Variants in TRPM3 observed in about 807,000 individuals in gnomAD.
TRPM3 encodes transient receptor potential cation channel subfamily M member 3, also known as long transient receptor potential channel 3.
TRPM3 carries 77 observed loss-of-function variants against 181.2 expected under a neutral mutation model. The ratio of observed to expected loss-of-function variants is 0.42; its 90% CI spans 0.35 to 0.51. The LOEUF is 0.51. Ranked by LOEUF, TRPM3 falls within the 20% of genes least tolerant of loss-of-function variation. The pLI is 0.01. For missense variants in TRPM3, 1,759 were observed against 2,196.7 expected (o/e 0.80, Z 3.98); for synonymous variants, 745 against 796.4 (o/e 0.94, Z 1.09).
At chr9:70,863,261 T>C (rs983993227) in intron 2 of TRPM3, 149 bp from the exon 3 acceptor site, 4 of 644,306 alleles carry the variant, frequency 6.2e-6, no homozygotes, top group Middle Eastern at 8.5e-4. Flanking sequence ...ATATCAGGTA[T>C]TGGTAAACTC....
intron 1 of TRPM3, among the ~76,000 whole-genome samples, chr9:71,226,275 GAGA>G (rs2080643963): frequency 6.6e-6 from 1 of 151,948 alleles, no homozygotes; most frequent in Non-Finnish European, 1.5e-5. Flanking sequence ...AAAGAAGAAA[GAGA>G]AGGTGACAAA....
intron 1 of TRPM3, among the ~76,000 whole-genome samples, chr9:70,926,477 A>G (rs2096722687): frequency 6.6e-6 from 1 of 152,192 alleles, no homozygotes; most frequent in African/African-American, 2.4e-5. Context: ...GGCTCTCTCA[A>G]AAGGAAGTGT....
chr9:70,870,958 C>A (rs2095777865), intron 1 of TRPM3, among the ~76,000 whole-genome samples: 1 of 151,678 alleles, frequency 6.6e-6, no homozygotes, highest in Admixed American at 6.6e-5. Context: ...TTTTTTTCAA[C>A]TGTCAAGCTT....
At chr9:71,322,944 C>T (rs2089372246) in intron 1 of TRPM3, among the ~76,000 whole-genome samples, 1 of 152,050 alleles carries the variant, frequency 6.6e-6, no homozygotes, top group African/African-American at 2.4e-5. Context: ...AGTGTATTTG[C>T]TGTCAAAAGA....
chr9:70,810,354 T>C (rs896655356), intron 6 of TRPM3, among the ~76,000 whole-genome samples: 3 of 149,502 alleles, frequency 2.0e-5, no homozygotes, highest in African/African-American at 7.4e-5. Context: ...CCCTGTCCTA[T>C]GGATACACGA....
At chr9:70,810,700 T>G (rs940422272) in intron 6 of TRPM3, among the ~76,000 whole-genome samples, 1 of 152,216 alleles carries the variant, frequency 6.6e-6, no homozygotes, top group Non-Finnish European at 1.5e-5. Flanking sequence ...GAGATAATGC[T>G]TCCATGTGTA....
intron 1 of TRPM3, among the ~76,000 whole-genome samples, chr9:71,197,732 T>C (rs1453572540): frequency 6.6e-6 from 1 of 150,730 alleles, no homozygotes; most frequent in African/African-American, 2.4e-5. Context: ...GTTTTTTTCT[T>C]GTAAATTTGT....
At chr9:71,446,845 G>T (rs779437268), upstream of TRPM3, 57 of 1,532,076 alleles carry the variant, frequency 3.7e-5, no homozygotes, top group Middle Eastern at 6.9e-4. Context: ...TGAGAAGTTC[G>T]CCTCCCTCGG....
intron 5 of TRPM3, among the ~76,000 whole-genome samples, chr9:70,838,816 T>C (rs2094471791): frequency 6.6e-6 from 1 of 152,140 alleles, no homozygotes; most frequent in Non-Finnish European, 1.5e-5. Flanking sequence ...GCCTTATTCC[T>C]CACCAAAATC....
At chr9:70,671,594 T>C (rs2062947080) in intron 9 of TRPM3, among the ~76,000 whole-genome samples, 1 of 152,210 alleles carries the variant, frequency 6.6e-6, no homozygotes, top group Non-Finnish European at 1.5e-5. Flanking sequence ...TTAGGTTTAC[T>C]TGAAGTAAAC....
chr9:71,041,300 T>C (rs1035129959), intron 1 of TRPM3, among the ~76,000 whole-genome samples: 1 of 152,062 alleles, frequency 6.6e-6, no homozygotes, highest in Non-Finnish European at 1.5e-5. Context: ...GTAAAGTATA[T>C]GGTGATTCTT....
At chr9:70,631,416 A>G (rs944052832) in intron 12 of TRPM3, among the ~76,000 whole-genome samples, 3 of 149,884 alleles carry the variant, frequency 2.0e-5, no homozygotes, top group South Asian at 2.1e-4. Flanking sequence ...TCCCATGTAA[A>G]TGAACTTTAA....
intron 1 of TRPM3, among the ~76,000 whole-genome samples, chr9:71,046,328 A>C (rs1374964498): frequency 6.6e-6 from 1 of 152,198 alleles, no homozygotes; most frequent in African/African-American, 2.4e-5. Flanking sequence ...ATCTCAGAGC[A>C]TTCTGTGAGA....
intron 1 of TRPM3, among the ~76,000 whole-genome samples, chr9:71,144,292 C>T (rs921987109): frequency 7.2e-5 from 11 of 152,232 alleles, no homozygotes; most frequent in South Asian, 2.1e-4. Context: ...ATCTGATCAC[C>T]GTAATTTACC....
chr9:70,556,534 C>A (rs544774235), intron 22 of TRPM3, among the ~76,000 whole-genome samples: 41 of 152,108 alleles, frequency 2.7e-4, no homozygotes, highest in African/African-American at 9.4e-4. Flanking sequence ...CCAGCCTGGT[C>A]AACATGGCAA....
chr9:71,233,149 CAT>C (rs1297749767), intron 1 of TRPM3, among the ~76,000 whole-genome samples: 1 of 152,184 alleles, frequency 6.6e-6, no homozygotes, highest in Non-Finnish European at 1.5e-5. Flanking sequence ...CCTAAGATCA[CAT>C]GAGACAATTG....
chr9:71,152,141 T>C (rs2075770085), intron 1 of TRPM3, among the ~76,000 whole-genome samples: 1 of 152,182 alleles, frequency 6.6e-6, no homozygotes, highest in African/African-American at 2.4e-5. Flanking sequence ...TGTGAACTCC[T>C]TGTTGATAAG....
chr9:70,805,775 G>A (rs7873058), intron 6 of TRPM3, among the ~76,000 whole-genome samples: 46,631 of 151,922 alleles, frequency 0.31, 8,535 homozygotes, highest in African/African-American at 0.51. Flanking sequence ...ATCTAAGAAT[G>A]GAAATAGAAA....
chr9:71,150,339 T>C (rs1290404295), intron 1 of TRPM3, among the ~76,000 whole-genome samples: 1 of 152,134 alleles, frequency 6.6e-6, no homozygotes, highest in African/African-American at 2.4e-5. Flanking sequence ...TATTGGTTAC[T>C]AGAAAAATGC....
Sources: gnomAD v4.1 joint callset for allele counts (sites outside exome capture counted in the v4.1 genomes callset) on GRCh38, gnomAD v4.1.1 for gene constraint, MANE v1.5 for transcripts, NCBI Gene and HGNC (gene_info 2026-07-23, HGNC 2026-07-21) for gene names.